The following C13orf42 variants were observed in gnomAD, a reference collection of about 807,000 sequenced individuals.
C13orf42 encodes chromosome 13 open reading frame 42, also known as uncharacterized protein C13orf42.
At chr13:51,142,961 C>T (rs1953707133) in intron 1 of C13orf42, among the ~76,000 whole-genome samples, 1 of 152,022 alleles carries the variant, frequency 6.6e-6, no homozygotes, top group African/African-American at 2.4e-5. Flanking sequence ...AAACCTGAAA[C>T]TTTTATATAA....
chr13:51,129,304 G>A (rs529202669), intron 1 of C13orf42, among the ~76,000 whole-genome samples: 117 of 152,230 alleles, frequency 7.7e-4, no homozygotes, highest in African/African-American at 2.6e-3. Flanking sequence ...GCAGACCCCC[G>A]CAGCTAATGC....
chr13:51,142,708 A>G (rs1593550074), intron 1 of C13orf42, among the ~76,000 whole-genome samples: 1 of 151,986 alleles, frequency 6.6e-6, no homozygotes, highest in East Asian at 1.9e-4. Flanking sequence ...AACAAGGTAA[A>G]AGGAACCAGG....
At chr13:51,094,487 C>T in intron 1 of C13orf42, among the ~76,000 whole-genome samples, 1 of 152,068 alleles carries the variant, frequency 6.6e-6, no homozygotes, top group East Asian at 1.9e-4. Context: ...ATATTGCTAC[C>T]CTCTTTGCTT....
At chr13:51,087,475 T>C (rs901290059) in intron 2 of C13orf42, among the ~76,000 whole-genome samples, 6 of 152,216 alleles carry the variant, frequency 3.9e-5, no homozygotes, top group African/African-American at 7.2e-5. Flanking sequence ...CATTCAGTCA[T>C]GTTCAGTATA....
In C13orf42 at chr13:51,168,089, G is replaced by A. The variant is rs566423900; in HGVS notation, n.136+4164C>T. ...TCCAGAGTTTCATATTTTCTAGAAA[G>A]GAGAAGAAAAAAGGGACACTTCATT... On this transcript the variant is annotated intron_variant and non_coding_transcript_variant, in intron 1 of 4. Transcript: ENST00000433280. Among the ~76,000 whole-genome samples, 19 of 152,220 alleles carry A rather than the reference G, an allele frequency of 1.2e-4. No homozygotes were observed. In the East Asian group the frequency reaches 3.7e-3, roughly 29 times the overall value.
chr13:51,138,692 T>A (rs1953675204), intron 1 of C13orf42, among the ~76,000 whole-genome samples: 1 of 152,124 alleles, frequency 6.6e-6, no homozygotes, highest in African/African-American at 2.4e-5. Context: ...CCTCAAAAAA[T>A]TAAAAATAGG....
At chr13:51,097,523 T>G (rs183329707) in intron 1 of C13orf42, among the ~76,000 whole-genome samples, 1 of 152,326 alleles carries the variant, frequency 6.6e-6, no homozygotes, top group African/African-American at 2.4e-5. Flanking sequence ...GCTCAGCTTT[T>G]TCTGCCTTCT....
intron 1 of C13orf42, among the ~76,000 whole-genome samples, chr13:51,099,567 T>C (rs1953265643): frequency 6.6e-6 from 1 of 152,222 alleles, no homozygotes; most frequent in Non-Finnish European, 1.5e-5. Context: ...TTGTTTCTGG[T>C]AACAGGTTGT....
chr13:51,095,838 C>T (rs111921425), intron 1 of C13orf42, among the ~76,000 whole-genome samples: 7 of 152,152 alleles, frequency 4.6e-5, no homozygotes, highest in South Asian at 2.1e-4. Flanking sequence ...TTCCAATGTT[C>T]GTGTCATATC....
Position 51,082,926 on chromosome 13 carries a change from C to G in C13orf42, c.*1225G>C, listed in dbSNP as rs1953078993. The G allele has an allele frequency of 6.6e-6, 1 of 152,140 alleles. No homozygotes were observed. The highest frequency in any genetic ancestry group is 2.4e-5 in the African/African-American group (1 of 41,418). The allele number at this position is 152,140 out of a possible 1,614,324, so 9.4% of individuals were successfully genotyped here. On this transcript the variant is annotated 3_prime_UTR_variant, in exon 4 of 4. Coordinates refer to ENST00000563710, the MANE Select transcript of C13orf42 (RefSeq NM_001351589.3). ...ATCAGGTTCACATAAACAAAAGGTT[C>G]TTCCTAAAAAATGGAACAATAAGAA...
intron 1 of C13orf42, among the ~76,000 whole-genome samples, chr13:51,148,069 A>C (rs1953752324): frequency 1.3e-5 from 2 of 152,232 alleles, no homozygotes; most frequent in Admixed American, 1.3e-4. Flanking sequence ...AATGGAAATG[A>C]AACAGCACTG....
Position 51,084,011 on chromosome 13 carries a change from G to A in C13orf42, c.*140C>T, listed in dbSNP as rs542166552. 1,037 of 394,478 alleles carry A rather than the reference G, an allele frequency of 2.6e-3. 3 individuals carry two copies. Among genetic ancestry groups the A allele is most frequent in the Non-Finnish European group, 3.9e-3 (878 of 224,002 alleles). 24.4% of individuals were successfully genotyped at this position (394,478 alleles called of 1,614,324 possible). A position where few individuals can be genotyped will look rare whatever the true frequency, so the allele number is the denominator to read the frequency against. ...CCACAGGTCTGTTTGGCACTGGCAC[G>A]GCACCAGCAGGCAGTGTGCTGAGTG... On this transcript the variant is annotated 3_prime_UTR_variant, in exon 4 of 4. Coordinates refer to ENST00000563710, the MANE Select transcript of C13orf42 (RefSeq NM_001351589.3).
chr13:51,160,853 T>TA (rs1342468461), intron 1 of C13orf42, among the ~76,000 whole-genome samples: 2 of 147,216 alleles, frequency 1.4e-5, no homozygotes, highest in Non-Finnish European at 3.0e-5. Context: ...CTTTCTGAAA[T>TA]AAAAAACAGG....
intron 1 of C13orf42, among the ~76,000 whole-genome samples, chr13:51,154,838 T>C (rs1339767941): frequency 1.3e-5 from 2 of 152,192 alleles, no homozygotes; most frequent in Admixed American, 6.5e-5. Context: ...ATTCGACGGT[T>C]TCTTGTGAAA....
At chr13:51,086,480 G>T (rs1459518935) in intron 2 of C13orf42, among the ~76,000 whole-genome samples, 1 of 151,314 alleles carries the variant, frequency 6.6e-6, no homozygotes, top group Non-Finnish European at 1.5e-5. Context: ...GTGAGAGTGT[G>T]TGTGTGTAAG....
intron 1 of C13orf42, among the ~76,000 whole-genome samples, chr13:51,118,787 G>T (rs192866256): frequency 1.2e-4 from 18 of 152,266 alleles, no homozygotes; most frequent in Admixed American, 8.5e-4. Flanking sequence ...GTAGCCTAGG[G>T]TGCTAGTGAC....
intron 1 of C13orf42, among the ~76,000 whole-genome samples, chr13:51,116,571 T>C (rs1953494212): frequency 6.6e-6 from 1 of 152,242 alleles, no homozygotes; most frequent in African/African-American, 2.4e-5. Context: ...TGACCCTGGC[T>C]GGTTAAAAAC....
At chr13:51,092,442 T>C (rs1953189694) in intron 1 of C13orf42, among the ~76,000 whole-genome samples, 1 of 152,220 alleles carries the variant, frequency 6.6e-6, no homozygotes, top group African/African-American at 2.4e-5. Flanking sequence ...GGATTTGGTT[T>C]ATTTAAAGTG....
intron 1 of C13orf42, among the ~76,000 whole-genome samples, chr13:51,131,094 C>T (rs911293079): frequency 3.9e-5 from 6 of 151,990 alleles, no homozygotes; most frequent in East Asian, 1.9e-4. Context: ...TTTGACTTTT[C>T]GCTTAAAACC....
Sources: allele counts gnomAD v4.1 joint callset (sites outside exome capture counted in the v4.1 genomes callset), GRCh38; gene constraint gnomAD v4.1.1; transcripts MANE v1.5; gene names NCBI Gene and HGNC (gene_info 2026-07-23, HGNC 2026-07-21).